The following DEGS1 variants were observed in gnomAD, a reference collection of about 807,000 sequenced individuals.
DEGS1 encodes the protein sphingolipid delta(4)-desaturase DES1.
In DEGS1, 17 loss-of-function variants were observed where a neutral mutation model predicts 24.1. The observed-to-expected ratio is 0.70, with a 90% CI of 0.48 to 1.06. The LOEUF (loss-of-function observed/expected upper bound fraction) is 1.06. Ranked by LOEUF, DEGS1 falls within the 50% of genes least tolerant of loss-of-function variation. DEGS1 has a pLI of 0.00. For missense variants in DEGS1, 366 were observed against 408.9 expected (o/e 0.90, Z 0.91); for synonymous variants, 134 against 140.0 (o/e 0.96, Z 0.30).
At position 224,183,398 on chromosome 1, in the gene DEGS1, A is replaced by G; in HGVS notation, c.62A>G (p.Asp21Gly). The change falls in exon 1 of 3, where the codon GAC (aspartate) becomes GGC (glycine). Residue 21 changes from aspartate (D) to glycine (G), a missense_variant. Transcript: ENST00000323699. ...GTCTACACCGACCAGCCGCACGCCG[A>G]CCGGCGCCGGGAGATCCTGGGTGAG... ...EWVYTDQPHA[D>G]RRREILAKYP... 5 of 1,430,226 alleles carry G rather than the reference A, an allele frequency of 3.5e-6. No individual in the cohort carries two copies. Among genetic ancestry groups the G allele is most frequent in the Non-Finnish European group, 3.7e-6 (4 of 1,082,108 alleles). 88.6% of individuals were successfully genotyped at this position (1,430,226 alleles called of 1,614,324 possible).
chr1:224,183,728 C>G, intron 1 of DEGS1: 1 of 250,772 alleles, frequency 4.0e-6, no homozygotes, highest in Non-Finnish European at 7.6e-6. Context: ...AAGGGTGTCC[C>G]CGGCTGTGCC....
intron 1 of DEGS1, among the ~76,000 whole-genome samples, chr1:224,187,891 T>C (rs1476490899): frequency 6.6e-6 from 1 of 152,180 alleles, no homozygotes; most frequent in Non-Finnish European, 1.5e-5. Context: ...TCTGGACATT[T>C]CATATACATG....
chr1:224,187,206 G>A (rs1180540930), intron 1 of DEGS1, among the ~76,000 whole-genome samples: 1 of 152,052 alleles, frequency 6.6e-6, no homozygotes, highest in African/African-American at 2.4e-5. Flanking sequence ...TACTGGGAAG[G>A]CTGAGGCAGG....
At position 224,183,386 on chromosome 1, in the gene DEGS1, A is replaced by C; in HGVS notation, c.50A>C (p.Gln17Pro). The stretch of plus-strand genomic sequence containing the variant: ...GACTTCGAGTGGGTCTACACCGACC[A>C]GCCGCACGCCGACCGGCGCCGGGAG... ...REDFEWVYTD[Q>P]PHADRRREIL... The change falls in exon 1 of 3, where the codon CAG (glutamine) becomes CCG (proline). Residue 17 changes from glutamine to proline, a missense_variant. Gln to Pro is a moderately conservative substitution (Grantham distance 76). Transcript: ENST00000323699. 7.0e-7 allele frequency: 1 copy of C among 1,435,104 alleles called. No homozygotes were observed. Among genetic ancestry groups the C allele is most frequent in the South Asian group, 1.4e-5 (1 of 69,004 alleles). 88.9% of individuals were successfully genotyped at this position (1,435,104 alleles called of 1,614,324 possible). A position where few individuals can be genotyped will look rare whatever the true frequency, so the allele number is the denominator to read the frequency against.
chr1:224,187,471 G>A (rs1399090711), intron 1 of DEGS1, among the ~76,000 whole-genome samples: 2 of 151,960 alleles, frequency 1.3e-5, no homozygotes, highest in South Asian at 4.2e-4. Context: ...TGATGCTCCC[G>A]CTTCAGCATC....
rs1658590764 is a variant in DEGS1 at position 224,193,205 on chromosome 1, C to CTATATA, written c.*728_*733dup. The CTATATA allele has an allele frequency of 6.6e-6, 1 of 152,068 alleles. No individual in the cohort carries two copies. The highest frequency in any genetic ancestry group is 1.5e-5 in the Non-Finnish European group (1 of 68,020). The allele number at this position is 152,068 out of a possible 1,614,324, so 9.4% of individuals were successfully genotyped here. On this transcript the variant is annotated 3_prime_UTR_variant, in exon 3 of 3. Transcript: ENST00000323699. The stretch of plus-strand genomic sequence containing the variant: ...ATTTTTGTATTTCACTATCTTTATA[C>CTATATA]TATATAATATGGTAACTTGGGTACC...
intron 1 of DEGS1, among the ~76,000 whole-genome samples, chr1:224,186,232 G>A (rs1658387485): frequency 6.6e-6 from 1 of 152,056 alleles, no homozygotes; most frequent in African/African-American, 2.4e-5. Flanking sequence ...TGCTTGAGCT[G>A]GGGAGGTAGA....
At chr1:224,186,409 A>T (rs551805810) in intron 1 of DEGS1, among the ~76,000 whole-genome samples, 1 of 152,136 alleles carries the variant, frequency 6.6e-6, no homozygotes, top group Non-Finnish European at 1.5e-5. Context: ...TCACTGGGAA[A>T]GTAAAAGGAC....
chr1:224,184,125 T>C (rs1326534436), intron 1 of DEGS1, among the ~76,000 whole-genome samples: 1 of 152,220 alleles, frequency 6.6e-6, no homozygotes, highest in African/African-American at 2.4e-5. Context: ...TTCATCCATC[T>C]CGGTTTTGTG....
chr1:224,183,336 C>T lies in DEGS1; in HGVS notation c.-1C>T. ...CTAGTCTGCAAGCCACCGCTGTCGC[C>T]ATGGGGAGCCGCGTCTCGCGGGAAG... On this transcript the variant is annotated 5_prime_UTR_variant, in exon 1 of 3. Transcript: ENST00000323699. 1 of 1,479,686 alleles carries T rather than the reference C, an allele frequency of 6.8e-7. No individual in the cohort carries two copies. The highest frequency in any genetic ancestry group is 9.0e-7 in the Non-Finnish European group (1 of 1,113,100). The allele number at this position is 1,479,686 out of a possible 1,614,324, so 91.7% of individuals were successfully genotyped here.
chr1:224,192,441 T>A lies in DEGS1; in HGVS notation c.935T>A (p.Met312Lys). ...GATACAATAAGTCCCTACTCAAGAA[T>A]GAAGAGGCACCAAAAAGGAGAGATG... ...MDDTISPYSRMKRHQKGEMVL... is the reference protein window; with the variant it reads ...MDDTISPYSRKKRHQKGEMVL... The change falls in exon 3 of 3, where the codon ATG becomes AAG. Residue 312 changes from methionine (M) to lysine (K), a missense_variant. Physicochemically the swap from Met to Lys is moderately conservative, Grantham distance 95. Coordinates refer to ENST00000323699, the MANE Select transcript of DEGS1 (RefSeq NM_003676.4). 1 of 1,612,564 alleles carries A rather than the reference T, an allele frequency of 6.2e-7. No homozygotes were observed.
chr1:224,184,916 C>T (rs529434392), intron 1 of DEGS1, among the ~76,000 whole-genome samples: 10 of 150,432 alleles, frequency 6.6e-5, no homozygotes, highest in Middle Eastern at 3.2e-3. Context: ...GGGAGGATCG[C>T]TTCAGCCCAG....
In DEGS1 at chr1:224,192,506, T is replaced by C. The variant is rs1216212941; in HGVS notation, c.*28T>C. On this transcript the variant is annotated 3_prime_UTR_variant, in exon 3 of 3. Coordinates refer to ENST00000323699, the MANE Select transcript of DEGS1 (RefSeq NM_003676.4). ...ATCATTAGTGCCAAAGGGATTCTTC[T>C]CCAAAACTTTAGATGATAAAATGGA... 6.3e-7 allele frequency: 1 copy of C among 1,590,596 alleles called. No homozygotes were observed. The highest frequency in any genetic ancestry group is 8.5e-7 in the Non-Finnish European group (1 of 1,172,570).
chr1:224,183,621 C>T (rs940850974), intron 1 of DEGS1: 8 of 357,984 alleles, frequency 2.2e-5, no homozygotes, highest in East Asian at 4.5e-5. Context: ...AGGGACGGGT[C>T]CTCGGAGCCG....
chr1:224,192,102 A>G (rs1243503363), intron 2 of DEGS1, among the ~76,000 whole-genome samples: 1 of 151,934 alleles, frequency 6.6e-6, no homozygotes, highest in Non-Finnish European at 1.5e-5. Flanking sequence ...ATGTGATGGG[A>G]GAGAGACCTA....
intron 1 of DEGS1, among the ~76,000 whole-genome samples, chr1:224,186,399 T>G (rs1295837115): frequency 1.3e-5 from 2 of 152,030 alleles, no homozygotes; most frequent in African/African-American, 4.8e-5. Context: ...CTGAACCATT[T>G]CACTGGGAAA....
At chr1:224,183,838 G>C (rs1001612056) in intron 1 of DEGS1, 1 of 155,458 alleles carries the variant, frequency 6.4e-6, no homozygotes, top group African/African-American at 2.4e-5. Flanking sequence ...CGAGGTGAGC[G>C]GGTGCCGGCC....
rs1658489341 is a variant in DEGS1 at position 224,189,872 on chromosome 1, G to A, written c.378G>A (p.Arg126=). The change falls in exon 2 of 3, where the codon AGG becomes AGA. Residue 126 remains arginine (R), a synonymous_variant. Transcript: ENST00000323699. ...TTCCATATTCAATTTCCTTTAAGAG[G>A]TATCACATGGATCATCATCGGTACC... ...IGIPYSISFK[R]YHMDHHRYLG... 1.2e-6 allele frequency: 2 copies of A among 1,614,130 alleles called. No homozygotes were observed. The highest frequency in any genetic ancestry group is 2.7e-5 in the African/African-American group (2 of 75,016).
Position 224,190,113 on chromosome 1 carries a change from A to T in DEGS1, c.619A>T (p.Lys207Ter). The T allele has an allele frequency of 6.2e-7, 1 of 1,613,560 alleles. No homozygotes were observed. The highest frequency in any genetic ancestry group is 2.2e-5 in the East Asian group (1 of 44,884). The change falls in exon 2 of 3, where the codon AAA becomes TAA. Residue 207 changes from lysine (K) to a stop codon, truncating the protein, a stop_gained. Coordinates refer to ENST00000323699, the MANE Select transcript of DEGS1 (RefSeq NM_003676.4). LOFTEE classifies it high-confidence loss of function. Reference protein sequence around the residue: ...DILIYYFLGIKSLVYMLAASL... With the variant: ...DILIYYFLGI ...TTTAATTTATTACTTTTTGGGAATT[A>T]AATCCTTAGTCTACATGTTGGCAGC...
Sources: gnomAD v4.1 joint callset for allele counts (sites outside exome capture counted in the v4.1 genomes callset) on GRCh38, gnomAD v4.1.1 for gene constraint, MANE v1.5 for transcripts, NCBI Gene and HGNC (gene_info 2026-07-23, HGNC 2026-07-21) for gene names.